The following NAALAD2 variants were observed in gnomAD, a reference collection of about 807,000 sequenced individuals.
NAALAD2 encodes the protein N-acetylated-alpha-linked acidic dipeptidase 2.
Under a neutral mutation model 95.6 loss-of-function variants are expected in NAALAD2, and 89 were observed. That is an observed-to-expected ratio of 0.93 (90% CI 0.78 to 1.11). The LOEUF is 1.11. Ranked by LOEUF, NAALAD2 falls within the 50% of genes least tolerant of loss-of-function variation. The pLI, the probability that NAALAD2 is intolerant of heterozygous loss-of-function variation, is 0.00. For missense variants in NAALAD2, 894 were observed against 872.4 expected (o/e 1.02, Z -0.31); for synonymous variants, 264 against 294.4 (o/e 0.90, Z 1.06).
At chr11:90,175,863 T>G (rs953295537) in intron 14 of NAALAD2, 109 bp from the exon 15 acceptor site, 4 of 573,404 alleles carry the variant, frequency 7.0e-6, no homozygotes, top group Non-Finnish European at 1.2e-5. Flanking sequence ...AATATATAAT[T>G]CCTTGCTATT....
chr11:90,168,121 C>A (rs1307153224), intron 11 of NAALAD2, among the ~76,000 whole-genome samples: 1 of 97,966 alleles, frequency 1.0e-5, no homozygotes, highest in Non-Finnish European at 2.2e-5. Context: ...AGACTACGAA[C>A]CCACCAGGAG....
chr11:90,159,831 G>A (rs897937998), intron 8 of NAALAD2, among the ~76,000 whole-genome samples: 2 of 151,414 alleles, frequency 1.3e-5, no homozygotes, highest in Admixed American at 6.6e-5. Flanking sequence ...GTGCATGCCT[G>A]TAATCCCAGC....
intron 18 of NAALAD2, among the ~76,000 whole-genome samples, chr11:90,187,831 A>C (rs1052833375): frequency 6.6e-6 from 1 of 152,196 alleles, no homozygotes; most frequent in Non-Finnish European, 1.5e-5. Context: ...AGACTAAGAA[A>C]ATTAGACTAA....
rs146075954 is a variant in NAALAD2 at position 90,170,836 on chromosome 11, C to T, written c.1410+700C>T. On this transcript the variant is annotated intron_variant, in intron 13 of 18. Transcript: ENST00000534061. ...AAAAAGATGTGGAGGTTTAAAAGAA[C>T]GTATTTCCTGATCTGAAGGTAGCTC... Among the ~76,000 whole-genome samples, 233 of 152,136 alleles carry T rather than the reference C, an allele frequency of 1.5e-3. 1 individual carries two copies. Among genetic ancestry groups the T allele is most frequent in the African/African-American group, 5.2e-3 (214 of 41,490 alleles).
chr11:90,165,838 C>T (rs1952426547), intron 11 of NAALAD2, among the ~76,000 whole-genome samples: 1 of 152,086 alleles, frequency 6.6e-6, no homozygotes, highest in Non-Finnish European at 1.5e-5. Flanking sequence ...CATATAAACA[C>T]ATGCATCTGT....
chr11:90,158,698 ATCATAT>A (rs1952197993), intron 7 of NAALAD2: 1 of 174,236 alleles, frequency 5.7e-6, no homozygotes, highest in South Asian at 1.5e-4. Flanking sequence ...TTATTATAAG[ATCATAT>A]GAGTAAAATA....
chr11:90,132,714 A>G (rs994450257), upstream of NAALAD2, among the ~76,000 whole-genome samples: 1 of 152,190 alleles, frequency 6.6e-6, no homozygotes, highest in Non-Finnish European at 1.5e-5. Flanking sequence ...GGGTTTAGTT[A>G]CTTCACTGGA....
chr11:90,179,261 C>G (rs1362278659), intron 16 of NAALAD2, among the ~76,000 whole-genome samples: 1 of 151,966 alleles, frequency 6.6e-6, no homozygotes, highest in African/African-American at 2.4e-5. Flanking sequence ...CAAATATGCC[C>G]TGAGTTTCTA....
At chr11:90,150,183 T>C (rs911387922) in intron 4 of NAALAD2, among the ~76,000 whole-genome samples, 2 of 152,068 alleles carry the variant, frequency 1.3e-5, no homozygotes, top group East Asian at 3.9e-4. Flanking sequence ...ACTCAGAAGG[T>C]GGAGGAGGTT....
intron 18 of NAALAD2, among the ~76,000 whole-genome samples, chr11:90,184,873 T>A (rs943913989): frequency 6.6e-6 from 1 of 151,938 alleles, no homozygotes; most frequent in African/African-American, 2.4e-5. Context: ...GAAAAAAAAA[T>A]GAATGGTTGT....
intron 6 of NAALAD2, among the ~76,000 whole-genome samples, chr11:90,154,670 C>CT (rs1229250962): frequency 6.6e-6 from 1 of 151,128 alleles, no homozygotes; most frequent in African/African-American, 2.4e-5. Flanking sequence ...TTCATCTTCA[C>CT]TTTTTTGCAA....
At chr11:90,166,789 A>T (rs1295702419) in intron 11 of NAALAD2, among the ~76,000 whole-genome samples, 1 of 151,002 alleles carries the variant, frequency 6.6e-6, no homozygotes, top group Non-Finnish European at 1.5e-5. Flanking sequence ...GAGCAGAGAC[A>T]GCGCTACTGC....
intron 14 of NAALAD2, among the ~76,000 whole-genome samples, chr11:90,174,391 T>TGA (rs1307410494): frequency 6.6e-6 from 1 of 152,150 alleles, no homozygotes; most frequent in African/African-American, 2.4e-5. Context: ...AGCCAGCATG[T>TGA]GAAGTCTTTC....
intron 2 of NAALAD2, among the ~76,000 whole-genome samples, chr11:90,141,016 C>A (rs182372066): frequency 6.6e-6 from 1 of 151,938 alleles, no homozygotes; most frequent in Non-Finnish European, 1.5e-5. Context: ...ATTGGTTGGG[C>A]GTATTTGTGT....
chr11:90,192,726 A>G lies in NAALAD2; in HGVS notation c.*979A>G, dbSNP rs1857367782. 6.6e-6 allele frequency: 1 copy of G among 152,028 alleles called. No homozygotes were observed. The highest frequency in any genetic ancestry group is 1.5e-5 in the Non-Finnish European group (1 of 67,900). 9.4% of individuals were successfully genotyped at this position (152,028 alleles called of 1,614,324 possible). Reference sequence around the variant, plus strand: ...TTTAATAATTTCAGCTCTACTGAATAAACATATAAGTCTGATGGGTGATGA... The same window carrying G: ...TTTAATAATTTCAGCTCTACTGAATGAACATATAAGTCTGATGGGTGATGA... On this transcript the variant is annotated 3_prime_UTR_variant, in exon 19 of 19. Transcript: ENST00000534061.
intron 17 of NAALAD2, among the ~76,000 whole-genome samples, chr11:90,182,094 T>G (rs898203942): frequency 4.6e-5 from 7 of 152,152 alleles, no homozygotes; most frequent in African/African-American, 1.7e-4. Context: ...TTTATGAGTT[T>G]AAGTGCGTTT....
chr11:90,140,660 C>T (rs1460986865), intron 2 of NAALAD2, among the ~76,000 whole-genome samples: 1 of 151,968 alleles, frequency 6.6e-6, no homozygotes, highest in African/African-American at 2.4e-5. Context: ...TTTTCCCAGT[C>T]TGTAATTTGT....
intron 13 of NAALAD2, among the ~76,000 whole-genome samples, chr11:90,170,411 A>G (rs956200975): frequency 6.6e-6 from 1 of 152,258 alleles, no homozygotes; most frequent in Non-Finnish European, 1.5e-5. Context: ...GATATAGCAG[A>G]AAGAACACTG....
At chr11:90,134,949 C>T in intron 1 of NAALAD2, 109 bp downstream of exon 1, 3 of 1,220,748 alleles carry the variant, frequency 2.5e-6, no homozygotes, top group Non-Finnish European at 3.6e-6. Context: ...TAGCCCTGGC[C>T]GGCTGGGCTA....
Sources: allele counts gnomAD v4.1 joint callset (sites outside exome capture counted in the v4.1 genomes callset), GRCh38; gene constraint gnomAD v4.1.1; transcripts MANE v1.5; gene names NCBI Gene and HGNC (gene_info 2026-07-23, HGNC 2026-07-21).